Variants in CAPN13 observed in about 807,000 individuals in gnomAD.
CAPN13 encodes the protein calpain-13.
CAPN13 carries 90 observed loss-of-function variants against 98.4 expected under a neutral mutation model. The observed-to-expected ratio is 0.92, with a 90% CI of 0.77 to 1.09. The LOEUF (loss-of-function observed/expected upper bound fraction) is 1.09, where lower values mean the gene tolerates loss of function less well. CAPN13 is among the 50% of genes least tolerant of loss of function. The probability of loss-of-function intolerance (pLI) is 0.00; values close to 1 mark genes in which losing one functional copy is unlikely to be tolerated. For missense variants in CAPN13, 887 were observed against 841.3 expected, an observed-to-expected ratio of 1.05 and a Z score of -0.67; for synonymous variants, 330 against 305.5, an observed-to-expected ratio of 1.08 and a Z score of -0.84.
Position 30,736,558 on chromosome 2 carries a change from C to T in CAPN13, c.1667G>A (p.Gly556Glu), listed in dbSNP as rs1671376384. The part of the protein sequence containing the change: ...LVALMELKVN[G>E]RLDQEEFARL... ...CGCAAACTCCTCTTGGTCTAGCCGCCCATTCACTTTCAGCTGGGTAAGGAG... is the reference window on the plus strand; with the variant it reads ...CGCAAACTCCTCTTGGTCTAGCCGCTCATTCACTTTCAGCTGGGTAAGGAG... Residue 556 changes from glycine to glutamate, a missense_variant, in exon 18 of 23, where the codon GGG becomes GAG. Gly to Glu is a moderately conservative substitution (Grantham distance 98). Transcript: ENST00000295055. 6.2e-7 allele frequency: 1 copy of T among 1,613,978 alleles called. No homozygotes were observed. The highest frequency in any genetic ancestry group is 8.5e-7 in the Non-Finnish European group (1 of 1,179,898).
At chr2:30,748,660 G>C (rs1424291857) in intron 11 of CAPN13, among the ~76,000 whole-genome samples, 1 of 152,096 alleles carries the variant, frequency 6.6e-6, no homozygotes, top group East Asian at 1.9e-4. Context: ...TTGGCCTCTA[G>C]CTGCTTGCAG....
chr2:30,759,148 T>A (rs1672684462), intron 7 of CAPN13, among the ~76,000 whole-genome samples: 1 of 51,684 alleles, frequency 1.9e-5, no homozygotes, highest in Non-Finnish European at 4.0e-5. Flanking sequence ...CCTCTTCCCC[T>A]TCCTTTTTTC....
chr2:30,759,851 C>A (rs1342740881), intron 7 of CAPN13, among the ~76,000 whole-genome samples: 2 of 152,176 alleles, frequency 1.3e-5, no homozygotes, highest in African/African-American at 4.8e-5. Context: ...TGGTCAATTC[C>A]CATGCTCAGC....
chr2:30,750,060 A>G (rs1672097156), intron 11 of CAPN13, among the ~76,000 whole-genome samples: 2 of 152,206 alleles, frequency 1.3e-5, no homozygotes, highest in South Asian at 4.1e-4. Flanking sequence ...AATCAACCTA[A>G]ATGCCCATCC....
chr2:30,758,277 AGGG>A, intron 7 of CAPN13, 140 bp from the exon 8 acceptor site: 2 of 612,976 alleles, frequency 3.3e-6, no homozygotes, highest in African/African-American at 3.8e-5. Context: ...AAAAATTGAA[AGGG>A]AAAAAAAAAT....
At chr2:30,796,093 C>A (rs13410540) in intron 1 of CAPN13, among the ~76,000 whole-genome samples, 220 of 148,632 alleles carry the variant, frequency 1.5e-3, no homozygotes, top group African/African-American at 5.3e-3. Flanking sequence ...CCTTTCTTCC[C>A]CAAAATAGAG....
rs373895081 is a variant in CAPN13 at position 30,796,994 on chromosome 2, G to C, written c.-32-9637C>G. Among the ~76,000 whole-genome samples the C allele has an allele frequency of 2.6e-5, 4 of 152,198 alleles. No individual in the cohort carries two copies. The East Asian group carries it at 7.7e-4, about 29-fold the overall frequency. On this transcript the variant is annotated intron_variant, in intron 1 of 22. Coordinates refer to ENST00000295055, the MANE Select transcript of CAPN13 (RefSeq NM_144575.3). The stretch of plus-strand genomic sequence containing the variant: ...CCTTTGCTTGCAAGCATGGGCTCCT[G>C]GCATGCAGTTATATCCACCTGAAAG...
intron 19 of CAPN13, among the ~76,000 whole-genome samples, chr2:30,733,425 C>T (rs1318452977): frequency 6.6e-6 from 1 of 152,080 alleles, no homozygotes; most frequent in African/African-American, 2.4e-5. Context: ...TGAATTTGAA[C>T]AATTTTCTAC....
chr2:30,786,170 C>T (rs745576502), intron 2 of CAPN13, among the ~76,000 whole-genome samples: 3 of 152,220 alleles, frequency 2.0e-5, no homozygotes, highest in Non-Finnish European at 4.4e-5. Context: ...AATAACTTTA[C>T]TCTGTAACCT....
At chr2:30,743,634 C>A in intron 12 of CAPN13, 55 bp from the exon 13 acceptor site, 2 of 1,534,652 alleles carry the variant, frequency 1.3e-6, no homozygotes, top group South Asian at 1.1e-5. Flanking sequence ...TGCATGGACC[C>A]CAGTCACCAA....
chr2:30,805,222 T>C (rs1675541532), intron 1 of CAPN13, among the ~76,000 whole-genome samples: 1 of 152,152 alleles, frequency 6.6e-6, no homozygotes, highest in South Asian at 2.1e-4. Context: ...CATATAAATG[T>C]CCTCTCTACC....
intron 1 of CAPN13, among the ~76,000 whole-genome samples, chr2:30,805,845 T>C (rs1675590478): frequency 6.7e-6 from 1 of 149,962 alleles, no homozygotes; most frequent in South Asian, 2.1e-4. Flanking sequence ...GCTCAAGCAA[T>C]CCTTTCACCT....
In CAPN13 at chr2:30,724,167, AT is replaced by A. The variant is rs1670781516; in HGVS notation, c.*31-932del. On this transcript the variant is annotated intron_variant, in intron 22 of 22. Transcript: ENST00000295055. The stretch of plus-strand genomic sequence containing the variant: ...CACATTTTTGTTAAATCAATATTCC[AT>A]TTGTATTTTATTACAATTATATATG... Among the ~76,000 whole-genome samples, 6 of 152,262 alleles carry A rather than the reference AT, an allele frequency of 3.9e-5. No homozygotes were observed. The South Asian group carries it at 1.2e-3, about 32-fold the overall frequency.
intron 1 of CAPN13, among the ~76,000 whole-genome samples, chr2:30,790,716 T>C (rs976215450): frequency 3.3e-5 from 5 of 152,198 alleles, no homozygotes; most frequent in Non-Finnish European, 7.3e-5. Context: ...ATGTTTGCAG[T>C]CAGACCTTGG....
intron 4 of CAPN13, among the ~76,000 whole-genome samples, chr2:30,770,964 G>T (rs577571418): frequency 9.8e-5 from 15 of 152,312 alleles, no homozygotes; most frequent in African/African-American, 3.4e-4. Flanking sequence ...TGTGGGCAAA[G>T]GCCTGGAGAC....
intron 22 of CAPN13, among the ~76,000 whole-genome samples, chr2:30,729,318 C>G (rs1382619665): frequency 6.6e-6 from 1 of 152,198 alleles, no homozygotes; most frequent in East Asian, 1.9e-4. Context: ...GTGAAAGAAA[C>G]TGAAGTAAAC....
At chr2:30,801,943 C>T (rs1474798932) in intron 1 of CAPN13, among the ~76,000 whole-genome samples, 1 of 152,200 alleles carries the variant, frequency 6.6e-6, no homozygotes, top group African/African-American at 2.4e-5. Context: ...ACAAGGAATG[C>T]AGATGATGTG....
intron 2 of CAPN13, among the ~76,000 whole-genome samples, chr2:30,779,036 G>C (rs1260541163): frequency 6.6e-6 from 1 of 152,196 alleles, no homozygotes; most frequent in Non-Finnish European, 1.5e-5. Flanking sequence ...CTGGAAAAGG[G>C]GACTTAGGGT....
chr2:30,768,423 G>T (rs1443397328), intron 5 of CAPN13, among the ~76,000 whole-genome samples: 1 of 152,196 alleles, frequency 6.6e-6, no homozygotes, highest in Non-Finnish European at 1.5e-5. Flanking sequence ...CAGGTGACTG[G>T]GTGGGAGGAG....
Sources: allele counts gnomAD v4.1 joint callset (sites outside exome capture counted in the v4.1 genomes callset), GRCh38; gene constraint gnomAD v4.1.1; transcripts MANE v1.5; gene names NCBI Gene and HGNC (gene_info 2026-07-23, HGNC 2026-07-21).